PDE11A: variants seen among roughly 807,000 people sequenced by gnomAD.
PDE11A encodes the protein dual 3',5'-cyclic-AMP and -GMP phosphodiesterase 11A.
Under a neutral mutation model 100.5 loss-of-function variants are expected in PDE11A, and 100 were observed. The ratio of observed to expected loss-of-function variants is 1.00; its 90% confidence interval spans 0.85 to 1.18. The LOEUF (loss-of-function observed/expected upper bound fraction) is 1.18, where lower values mean the gene tolerates loss of function less well. Among genes scored for constraint, PDE11A ranks in the 50% most tolerant of loss-of-function variants. The probability of loss-of-function intolerance (pLI) is 0.00; values close to 1 mark genes in which losing one functional copy is unlikely to be tolerated. For synonymous variants in PDE11A, 381 were observed against 420.8 expected, an observed-to-expected ratio of 0.91 and a Z score of 1.16; for missense variants, 1,141 against 1,152.6, an observed-to-expected ratio of 0.99 and a Z score of 0.15.
At chr2:178,065,655 T>C (rs898235600) in intron 1 of PDE11A, among the ~76,000 whole-genome samples, 2 of 152,198 alleles carry the variant, frequency 1.3e-5, no homozygotes, top group South Asian at 2.1e-4. Flanking sequence ...GGGAATTTTT[T>C]TTAAACACTG....
Position 178,011,235 on chromosome 2 carries a change from T to C in PDE11A, c.1071+3067A>G, listed in dbSNP as rs532419622. Among the ~76,000 whole-genome samples the C allele has an allele frequency of 2.5e-4, 38 of 152,252 alleles. 1 individual carries two copies. The South Asian group carries it at 7.1e-3, about 28-fold the overall frequency. ...TCTCAGTGGCTCTGAGTTGTAAGTA[T>C]GCAGGGGTGGAGGGCATGATGAGAG... On this transcript the variant is annotated intron_variant, in intron 2 of 19. Coordinates refer to ENST00000286063, the MANE Select transcript of PDE11A (RefSeq NM_016953.4).
In PDE11A at chr2:177,726,879, G is replaced by T. The variant is rs192043636; in HGVS notation, c.2043+779C>A. Among the ~76,000 whole-genome samples the T allele has an allele frequency of 2.6e-5, 4 of 152,058 alleles. No homozygotes were observed. In the East Asian group the frequency reaches 7.7e-4, roughly 29 times the overall value. On this transcript the variant is annotated intron_variant, in intron 12 of 19. Transcript: ENST00000286063. ...CCCACAGATATGTACGTACACATGT[G>T]TGTATATATAACTATGAAGCCAAAG...
intron 2 of PDE11A, among the ~76,000 whole-genome samples, chr2:177,963,845 C>T (rs1029290619): frequency 6.6e-6 from 1 of 152,156 alleles, no homozygotes; most frequent in East Asian, 1.9e-4. Context: ...GTGGCCTCCA[C>T]CATCCAGCTG....
intron 2 of PDE11A, among the ~76,000 whole-genome samples, chr2:177,938,055 A>C (rs1008980239): frequency 6.6e-6 from 1 of 152,208 alleles, no homozygotes; most frequent in Admixed American, 6.5e-5. Context: ...GGAGAAGCTA[A>C]AAATTTTAGA....
chr2:178,031,812 A>G (rs1279054761), intron 1 of PDE11A, among the ~76,000 whole-genome samples: 1 of 152,142 alleles, frequency 6.6e-6, no homozygotes, highest in African/African-American at 2.4e-5. Flanking sequence ...GTGAAACTCA[A>G]CAGGCTGATT....
chr2:178,004,097 A>T (rs2086176401), intron 2 of PDE11A, among the ~76,000 whole-genome samples: 1 of 152,180 alleles, frequency 6.6e-6, no homozygotes, highest in Non-Finnish European at 1.5e-5. Context: ...CTTTTAAAAC[A>T]TATATTTATT....
intron 2 of PDE11A, among the ~76,000 whole-genome samples, chr2:177,938,246 G>T (rs1294679592): frequency 6.6e-6 from 1 of 152,138 alleles, no homozygotes; most frequent in Non-Finnish European, 1.5e-5. Flanking sequence ...AGAAATATGA[G>T]CTTAGGGTTT....
intron 10 of PDE11A, among the ~76,000 whole-genome samples, chr2:177,756,594 C>T (rs143135127): frequency 6.6e-6 from 1 of 152,246 alleles, no homozygotes; most frequent in East Asian, 1.9e-4. Context: ...GCTTGGTTTT[C>T]ACAGAACTCG....
At chr2:177,730,254 G>A (rs984216199) in intron 10 of PDE11A, among the ~76,000 whole-genome samples, 3 of 152,126 alleles carry the variant, frequency 2.0e-5, no homozygotes, top group Non-Finnish European at 2.9e-5. Flanking sequence ...AGATCCCGGT[G>A]TGTGATGTTC....
intron 19 of PDE11A, among the ~76,000 whole-genome samples, 198 bp from the exon 20 acceptor site, chr2:177,629,760 T>C (rs1298660589): frequency 6.6e-6 from 1 of 152,194 alleles, no homozygotes; most frequent in Non-Finnish European, 1.5e-5. Flanking sequence ...AGAGCCTACT[T>C]AGAGAATGAA....
chr2:177,892,418 T>C (rs973472683), intron 4 of PDE11A, among the ~76,000 whole-genome samples: 4 of 152,232 alleles, frequency 2.6e-5, no homozygotes, highest in Non-Finnish European at 2.9e-5. Context: ...TTAGAGAATA[T>C]AATTTGCATA....
intron 2 of PDE11A, among the ~76,000 whole-genome samples, chr2:177,915,161 C>T (rs984486029): frequency 6.6e-6 from 1 of 152,142 alleles, no homozygotes. Flanking sequence ...TAGAGTGGTA[C>T]ATTTGTTACA....
At chr2:177,781,109 C>G (rs1026136833) in intron 9 of PDE11A, among the ~76,000 whole-genome samples, 1 of 152,194 alleles carries the variant, frequency 6.6e-6, no homozygotes, top group Non-Finnish European at 1.5e-5. Context: ...CTTCCTTTCA[C>G]TGGAACACTT....
intron 16 of PDE11A, among the ~76,000 whole-genome samples, chr2:177,680,388 CCTT>C (rs751969303): frequency 3.3e-5 from 5 of 152,140 alleles, no homozygotes; most frequent in African/African-American, 1.2e-4. Flanking sequence ...AGAACAGACT[CCTT>C]ATCTCCACCT....
intron 10 of PDE11A, among the ~76,000 whole-genome samples, chr2:177,733,004 T>A (rs1420862085): frequency 6.6e-6 from 1 of 152,204 alleles, no homozygotes; most frequent in Non-Finnish European, 1.5e-5. Flanking sequence ...CAGACAAGCA[T>A]AAAAGATTTG....
intron 2 of PDE11A, among the ~76,000 whole-genome samples, chr2:178,083,322 C>A (rs1474131605): frequency 6.6e-6 from 1 of 152,094 alleles, no homozygotes; most frequent in Non-Finnish European, 1.5e-5. Context: ...TGGTCTTGGA[C>A]TCCTGACCTC....
intron 1 of PDE11A, among the ~76,000 whole-genome samples, chr2:178,052,300 A>T (rs1463249066): frequency 6.6e-6 from 1 of 152,066 alleles, no homozygotes; most frequent in Non-Finnish European, 1.5e-5. Context: ...AAATAAAGAC[A>T]TTATTTGAAA....
At chr2:177,948,118 G>A (rs1164144479) in intron 2 of PDE11A, among the ~76,000 whole-genome samples, 1 of 151,802 alleles carries the variant, frequency 6.6e-6, no homozygotes, top group Non-Finnish European at 1.5e-5. Flanking sequence ...AATATAACAT[G>A]AAAATCCTTT....
chr2:178,020,777 G>A (rs1253874432), intron 1 of PDE11A, among the ~76,000 whole-genome samples: 1 of 152,062 alleles, frequency 6.6e-6, no homozygotes, highest in East Asian at 1.9e-4. Context: ...CAGACTGGGC[G>A]ACAGAGCAAG....
Sources: allele counts gnomAD v4.1 joint callset (sites outside exome capture counted in the v4.1 genomes callset), GRCh38; gene constraint gnomAD v4.1.1; transcripts MANE v1.5; gene names NCBI Gene and HGNC (gene_info 2026-07-23, HGNC 2026-07-21).